The following TPPP2 variants were observed in gnomAD, a reference collection of about 807,000 sequenced individuals.
The protein encoded by TPPP2 is tubulin polymerization promoting protein family member 2.
In TPPP2, 8 loss-of-function variants were observed where a neutral mutation model predicts 13.0. That is an observed-to-expected ratio of 0.62 (90% CI 0.36 to 1.11). The LOEUF (loss-of-function observed/expected upper bound fraction) is 1.11. TPPP2 is among the 50% of genes most tolerant of loss of function. The pLI is 0.02. For missense variants in TPPP2, 213 were observed against 216.9 expected, an observed-to-expected ratio of 0.98 and a Z score of 0.11; for synonymous variants, 81 against 81.8, an observed-to-expected ratio of 0.99 and a Z score of 0.05.
At chr14:21,033,646 C>A (rs934859271), downstream of TPPP2, 3 of 620,564 alleles carry the variant, frequency 4.8e-6, no homozygotes, top group Non-Finnish European at 8.7e-6. Flanking sequence ...TAGAAGATAG[C>A]ACCACTTTGC....
downstream of TPPP2, chr14:21,032,974 GC>G: frequency 2.2e-6 from 1 of 456,156 alleles, no homozygotes. Flanking sequence ...TTCGATTAGA[GC>G]CGGGCCTGCC....
chr14:21,030,517 C>T lies in TPPP2; in HGVS notation c.-65C>T. 1 of 1,510,406 alleles carries T rather than the reference C, an allele frequency of 6.6e-7. No individual in the cohort carries two copies. Among genetic ancestry groups the T allele is most frequent in the Non-Finnish European group, 9.0e-7 (1 of 1,106,102 alleles). The allele number at this position is 1,510,406 out of a possible 1,614,324, so 93.6% of individuals were successfully genotyped here. ...CTCATCCTCATTACTCCACAGTCCT[C>T]CCTCCCCCTTCTCCTTCACCCCCAA... On this transcript the variant is annotated 5_prime_UTR_variant, in exon 2 of 4. Coordinates refer to ENST00000321760, the MANE Select transcript of TPPP2 (RefSeq NM_173846.5).
At chr14:21,034,378 C>T (rs962041277), downstream of TPPP2, 10 of 892,016 alleles carry the variant, frequency 1.1e-5, no homozygotes, top group Middle Eastern at 3.5e-4. Context: ...GCATTCCCAA[C>T]CCAACAGTAC....
chr14:21,033,907 T>C (rs1183584032), downstream of TPPP2: 1 of 1,614,006 alleles, frequency 6.2e-7, no homozygotes. Flanking sequence ...TTGGTTAGGG[T>C]GCTATTGTAG....
Position 21,025,157 on chromosome 14 carries a change from G to T in TPPP2, n.236+813G>T. 1.1e-6 allele frequency: 1 copy of T among 944,346 alleles called. No homozygotes were observed. The highest frequency in any genetic ancestry group is 1.3e-6 in the Non-Finnish European group (1 of 794,576). 58.5% of individuals were successfully genotyped at this position (944,346 alleles called of 1,614,324 possible). On this transcript the variant is annotated intron_variant and non_coding_transcript_variant, in intron 1 of 1. Coordinates refer to the TPPP2 transcript ENST00000533755. This position sits in a 1 kb window ranked among gnomAD's most constrained non-coding sequence, Gnocchi z 5.1. ...CGGGCGCTAGGCTCCCCGCAGACCC[G>T]CCCCAGACCCCCAGTAAACACGCCC...
chr14:21,025,135 G>A lies in TPPP2; in HGVS notation n.236+791G>A, dbSNP rs1034425289. On this transcript the variant is annotated intron_variant and non_coding_transcript_variant, in intron 1 of 1. Coordinates refer to the TPPP2 transcript ENST00000533755. This position sits in a 1 kb window ranked among gnomAD's most constrained non-coding sequence, Gnocchi z 5.1. ...CCGGCCCGCCCCAGCCCGCCCACGG[G>A]CGCTAGGCTCCCCGCAGACCCGCCC... The A allele has an allele frequency of 2.7e-5, 26 of 980,352 alleles. No homozygotes were observed. In the African/African-American group the frequency reaches 4.4e-4, roughly 16 times the overall value. The allele number at this position is 980,352 out of a possible 1,614,324, so 60.7% of individuals were successfully genotyped here.
upstream of TPPP2, chr14:21,029,026 A>G (rs138022951): frequency 9.9e-4 from 151 of 152,370 alleles, 2 homozygotes; most frequent in African/African-American, 3.2e-3. Flanking sequence ...TTTGACCTGC[A>G]TAGAAACTTA....
chr14:21,030,630 G>A lies in TPPP2; in HGVS notation c.49G>A (p.Glu17Lys). ...ATTCCATCGGTTTGCTGCGTTTGGA[G>A]AATCATCAAGCAGTGGCACTGAAAT... ...KTFHRFAAFG[E>K]SSSSGTEMNN... Residue 17 changes from glutamate (E) to lysine (K), a missense_variant, in exon 2 of 4, where the codon GAA becomes AAA. Transcript: ENST00000321760. The A allele has an allele frequency of 1.9e-6, 3 of 1,614,018 alleles. No homozygotes were observed. Among genetic ancestry groups the A allele is most frequent in the Non-Finnish European group, 2.5e-6 (3 of 1,179,994 alleles).
chr14:21,031,001 T>C lies in TPPP2; in HGVS notation c.174-11T>C, dbSNP rs761611622. The C allele has an allele frequency of 2.7e-5, 43 of 1,595,270 alleles. No individual in the cohort carries two copies. The highest frequency in any genetic ancestry group is 3.6e-5 in the Non-Finnish European group (42 of 1,171,522). On this transcript the variant is annotated splice_polypyrimidine_tract_variant and intron_variant, in intron 2 of 3. Coordinates refer to ENST00000321760, the MANE Select transcript of TPPP2 (RefSeq NM_173846.5). Reference sequence around the variant, plus strand: ...GCTCCAAAGTTTCTGGATTTCTGTCTAACTGACCAGGGCCAAGAACGCCCG... The same window carrying C: ...GCTCCAAAGTTTCTGGATTTCTGTCCAACTGACCAGGGCCAAGAACGCCCG...
chr14:21,030,442 A>G, intron 1 of TPPP2, 71 bp from the exon 2 acceptor site: 1 of 847,876 alleles, frequency 1.2e-6, no homozygotes. Context: ...AGGAGAGAGC[A>G]ACAGGGAAGA....
upstream of TPPP2, among the ~76,000 whole-genome samples, chr14:21,027,784 A>C (rs1213658236): frequency 6.6e-6 from 1 of 152,234 alleles, no homozygotes; most frequent in Non-Finnish European, 1.5e-5. Context: ...TCTAGAAATC[A>C]TTATCTTACT....
chr14:21,036,093 G>T, downstream of TPPP2: 1 of 423,454 alleles, frequency 2.4e-6, no homozygotes. Context: ...CCGGCACATG[G>T]TGAGTCCTCA....
rs1433786788 is a variant in TPPP2, at chr14:21,032,365, T to C, written c.*288T>C. On this transcript the variant is annotated 3_prime_UTR_variant, in exon 4 of 4. Coordinates refer to ENST00000321760, the MANE Select transcript of TPPP2 (RefSeq NM_173846.5). The stretch of plus-strand genomic sequence containing the variant: ...GAAGAATATATTTGGAGTAAAGAGA[T>C]GAACCAGATGTGGAGGTAAAAGTAT... 2 of 507,458 alleles carry C rather than the reference T, an allele frequency of 3.9e-6. No individual in the cohort carries two copies. Among genetic ancestry groups the C allele is most frequent in the African/African-American group, 4.5e-5 (2 of 44,660 alleles). 31.4% of individuals were successfully genotyped at this position (507,458 alleles called of 1,614,324 possible). A position where few individuals can be genotyped will look rare whatever the true frequency, so the allele number is the denominator to read the frequency against.
intron 3 of TPPP2, 123 bp downstream of exon 3, chr14:21,031,288 A>C: frequency 3.8e-6 from 5 of 1,303,320 alleles, no homozygotes; most frequent in Non-Finnish European, 5.2e-6. Context: ...TTTAGAGATC[A>C]TCTAGACATT....
upstream of TPPP2, chr14:21,028,797 G>C (rs756753214): frequency 2.0e-5 from 3 of 152,130 alleles, no homozygotes; most frequent in Non-Finnish European, 4.4e-5. Flanking sequence ...CCAACTATGA[G>C]ATGATAAGAA....
chr14:21,034,094 A>G (rs186729366), downstream of TPPP2: 32 of 1,614,176 alleles, frequency 2.0e-5, no homozygotes, highest in East Asian at 4.2e-4. Context: ...GGCAATCTGA[A>G]TTTTGCATCT....
Position 21,032,695 on chromosome 14 carries a change from A to G in TPPP2, c.*618A>G, listed in dbSNP as rs1365806649. On this transcript the variant is annotated 3_prime_UTR_variant, in exon 4 of 4. Transcript: ENST00000321760. ...CTCCATCATGGGGCACATGGGACAG[A>G]AGAGCTTACTGACTGCTAAGGGTAG... The G allele has an allele frequency of 2.8e-6, 1 of 354,812 alleles. No individual in the cohort carries two copies. Among genetic ancestry groups the G allele is most frequent in the Non-Finnish European group, 5.5e-6 (1 of 183,088 alleles). 22.0% of individuals were successfully genotyped at this position (354,812 alleles called of 1,614,324 possible).
chr14:21,029,778 G>A (rs1190871837), upstream of TPPP2, among the ~76,000 whole-genome samples: 2 of 152,156 alleles, frequency 1.3e-5, no homozygotes, highest in East Asian at 1.9e-4. Context: ...TGAGGACACA[G>A]CAAGAAGGTG....
At chr14:21,025,920 C>A (rs2139052129), upstream of TPPP2, 1 of 165,630 alleles carries the variant, frequency 6.0e-6, no homozygotes, top group East Asian at 1.9e-4. The surrounding 1 kb of genome is among the most constrained non-coding windows in gnomAD (Gnocchi z 5.1). Context: ...GGCGCAGGGG[C>A]GGAGTTAACC....
Sources: allele counts gnomAD v4.1 joint callset (sites outside exome capture counted in the v4.1 genomes callset), GRCh38; gene constraint gnomAD v4.1.1; non-coding constraint Gnocchi (gnomAD v3.1); transcripts MANE v1.5; gene names NCBI Gene and HGNC (gene_info 2026-07-23, HGNC 2026-07-21).